Variants in CRYM observed in about 807,000 individuals in gnomAD.
CRYM encodes the protein crystallin mu.
In CRYM, 18 loss-of-function variants were observed where a neutral mutation model predicts 32.9. The ratio of observed to expected loss-of-function variants is 0.55; its 90% CI spans 0.38 to 0.81. The LOEUF (loss-of-function observed/expected upper bound fraction) is 0.81, where lower values mean the gene tolerates loss of function less well. Ranked by LOEUF, CRYM falls within the 30% of genes least tolerant of loss-of-function variation. The pLI is 0.00. For synonymous variants in CRYM, 153 were observed against 152.4 expected, an observed-to-expected ratio of 1.00 and a Z score of -0.03; for missense variants, 337 against 393.5, an observed-to-expected ratio of 0.86 and a Z score of 1.21.
Position 21,275,599 on chromosome 16 carries a change from G to A in CRYM, c.325-5C>T. ...TATGACATTTCCATCCATGACCTTG[G>A]AGGAAAAGAGAGACAGTGAGCAAGG... On this transcript the variant is annotated splice_polypyrimidine_tract_variant and splice_region_variant and intron_variant, in intron 2 of 7. Transcript: ENST00000572914. The A allele has an allele frequency of 6.2e-7, 1 of 1,613,042 alleles. No homozygotes were observed. The highest frequency in any genetic ancestry group is 8.5e-7 in the Non-Finnish European group (1 of 1,179,036).
intron 5 of CRYM, 51 bp from the exon 6 acceptor site, chr16:21,262,209 C>T: frequency 6.2e-7 from 1 of 1,612,174 alleles, no homozygotes; most frequent in Non-Finnish European, 8.5e-7. Context: ...CCAAAGGCTG[C>T]TAAGAAGCCC....
At position 21,277,443 on chromosome 16, in the gene CRYM, G is replaced by A. The variant is rs756165810; in HGVS notation, c.312C>T (p.Gly104=). Residue 104 remains glycine, a synonymous_variant, in exon 2 of 8, where the codon GGC becomes GGT. Coordinates refer to ENST00000572914, the MANE Select transcript of CRYM (RefSeq NM_001376256.1). The surrounding 1 kb of genome is among the most constrained non-coding windows in gnomAD (Gnocchi z 4.2). The part of the protein sequence containing the change: ...ATVLLFEPSN[G]TLLAVMDGNV... ...GGAAGTTGCTCACCGCCAGCAGGGTGCCATTGCTGGGCTCAAAGAGTAGCA... is the reference window on the plus strand; with the variant it reads ...GGAAGTTGCTCACCGCCAGCAGGGTACCATTGCTGGGCTCAAAGAGTAGCA... 32 of 1,613,262 alleles carry A rather than the reference G, an allele frequency of 2.0e-5. No individual in the cohort carries two copies. Among genetic ancestry groups the A allele is most frequent in the Non-Finnish European group, 1.9e-5 (23 of 1,179,958 alleles).
chr16:21,271,669 CTTAA>C (rs1048696095), intron 3 of CRYM, among the ~76,000 whole-genome samples: 2 of 152,006 alleles, frequency 1.3e-5, no homozygotes, highest in East Asian at 1.9e-4. Flanking sequence ...GATTTTTTTC[CTTAA>C]TTGTTACCAT....
intron 2 of CRYM, among the ~76,000 whole-genome samples, chr16:21,276,319 C>T (rs533400140): frequency 6.6e-6 from 1 of 152,112 alleles, no homozygotes; most frequent in Non-Finnish European, 1.5e-5. Flanking sequence ...GGTTCTACCC[C>T]CCTAGGGAAC....
At chr16:21,281,750 C>G (rs1246767609), upstream of CRYM, among the ~76,000 whole-genome samples, 1 of 152,166 alleles carries the variant, frequency 6.6e-6, no homozygotes, top group Non-Finnish European at 1.5e-5. Flanking sequence ...TTTGACGTAT[C>G]AGGCTGAATT....
upstream of CRYM, among the ~76,000 whole-genome samples, chr16:21,282,101 G>A (rs1047835187): frequency 1.3e-5 from 2 of 152,126 alleles, no homozygotes; most frequent in Admixed American, 6.5e-5. Context: ...TTTCCCCTGC[G>A]GTTCTGATGA....
chr16:21,267,768 C>T (rs749128652), intron 4 of CRYM, 31 bp from the exon 5 acceptor site: 71 of 1,613,506 alleles, frequency 4.4e-5, no homozygotes, highest in South Asian at 2.6e-4. Flanking sequence ...AGGATATTGG[C>T]GCCATTTTTT....
chr16:21,292,498 A>G (rs1039972943), intron 1 of CRYM, among the ~76,000 whole-genome samples: 5 of 152,264 alleles, frequency 3.3e-5, no homozygotes, highest in East Asian at 3.9e-4. Context: ...ATTGTCCCCA[A>G]ATTGATTTAT....
chr16:21,272,341 A>G lies in CRYM; in HGVS notation c.388-2450T>C, dbSNP rs564766940. Among the ~76,000 whole-genome samples the G allele has an allele frequency of 5.0e-4, 76 of 152,126 alleles. 2 individuals are homozygous for G. In the South Asian group the frequency reaches 0.015, roughly 30 times the overall value. On this transcript the variant is annotated intron_variant, in intron 3 of 7. Transcript: ENST00000572914. ...AGGCCTTGCATGGTCTGGCCCTCCT[A>G]TCTCTAAAGCTGTCTCTCATACCAC...
chr16:21,286,734 T>A (rs1300573022), intron 1 of CRYM, among the ~76,000 whole-genome samples: 3 of 152,218 alleles, frequency 2.0e-5, no homozygotes, highest in Non-Finnish European at 2.9e-5. Flanking sequence ...TCCTATATAA[T>A]TTTAACATAT....
intron 1 of CRYM, among the ~76,000 whole-genome samples, chr16:21,291,355 C>G (rs968347693): frequency 6.6e-6 from 1 of 152,146 alleles, no homozygotes; most frequent in Admixed American, 6.5e-5. Flanking sequence ...ATCTGAGGCT[C>G]TACAAATCTC....
intron 1 of CRYM, among the ~76,000 whole-genome samples, chr16:21,301,681 T>A (rs1960941079): frequency 6.6e-6 from 1 of 152,210 alleles, no homozygotes; most frequent in Admixed American, 6.5e-5. Flanking sequence ...ACCTCCTGCC[T>A]TCCGCACCGC....
Position 21,277,638 on chromosome 16 carries a change from TTAGAAAGTA to T in CRYM, c.171-63_171-55del, listed in dbSNP as rs1251525928. 5 of 1,599,574 alleles carry T rather than the reference TTAGAAAGTA, an allele frequency of 3.1e-6. No individual in the cohort carries two copies. The East Asian group carries it at 1.1e-4, about 36-fold the overall frequency. ...CCCTTCCCATCAATGCTGGGGTCTCTTAGAAAGTATCCATATACTTTCCTTTTTCTTTCC... is the reference window on the plus strand; with the variant it reads ...CCCTTCCCATCAATGCTGGGGTCTCTTCCATATACTTTCCTTTTTCTTTCC... On this transcript the variant is annotated intron_variant, in intron 1 of 7. Coordinates refer to ENST00000572914, the MANE Select transcript of CRYM (RefSeq NM_001376256.1). The surrounding 1 kb of genome is among the most constrained non-coding windows in gnomAD (Gnocchi z 4.2).
chr16:21,291,204 C>T (rs1243721234), intron 1 of CRYM, among the ~76,000 whole-genome samples: 1 of 152,084 alleles, frequency 6.6e-6, no homozygotes, highest in Non-Finnish European at 1.5e-5. Context: ...TAAAAACTTT[C>T]TGCTTGATTC....
chr16:21,286,374 C>T (rs1205573430), intron 1 of CRYM, among the ~76,000 whole-genome samples: 10 of 151,634 alleles, frequency 6.6e-5, no homozygotes, highest in East Asian at 5.8e-4. Flanking sequence ...CCGGCCACCA[C>T]GCCCAGCTAA....
At chr16:21,280,586 A>G (rs1223957663), upstream of CRYM, among the ~76,000 whole-genome samples, 1 of 152,178 alleles carries the variant, frequency 6.6e-6, no homozygotes, top group East Asian at 1.9e-4. Context: ...TAATACAGAG[A>G]TCACAAGACT....
At chr16:21,290,068 T>C (rs1329278810) in intron 1 of CRYM, among the ~76,000 whole-genome samples, 1 of 149,730 alleles carries the variant, frequency 6.7e-6, no homozygotes, top group Non-Finnish European at 1.5e-5. Flanking sequence ...CCAATCAGTG[T>C]TCTGTAAAAT....
intron 1 of CRYM, among the ~76,000 whole-genome samples, chr16:21,284,591 A>G (rs1475576992): frequency 6.6e-6 from 1 of 152,100 alleles, no homozygotes; most frequent in Admixed American, 6.6e-5. Context: ...CTGCATCTAC[A>G]TTGCTGCAGA....
upstream of CRYM, among the ~76,000 whole-genome samples, chr16:21,279,204 A>G (rs2093393739): frequency 6.6e-6 from 1 of 152,194 alleles, no homozygotes; most frequent in South Asian, 2.1e-4. Context: ...ATACTGCACC[A>G]TGCACTTTAT....
Sources: allele counts gnomAD v4.1 joint callset (sites outside exome capture counted in the v4.1 genomes callset), GRCh38; gene constraint gnomAD v4.1.1; non-coding constraint Gnocchi (gnomAD v3.1); transcripts MANE v1.5; gene names NCBI Gene and HGNC (gene_info 2026-07-23, HGNC 2026-07-21).